The following MAGI2 variants were observed in gnomAD, a reference collection of about 807,000 sequenced individuals.
The protein encoded by MAGI2 is membrane-associated guanylate kinase, WW and PDZ domain-containing protein 2.
In MAGI2, 35 loss-of-function variants were observed where a neutral mutation model predicts 133.3. The observed-to-expected ratio is 0.26, with a 90% confidence interval of 0.20 to 0.35. The LOEUF is 0.35. Among genes scored for constraint, MAGI2 ranks in the 10% least tolerant of loss-of-function variants. The pLI, the probability that MAGI2 is intolerant of heterozygous loss-of-function variation, is 1.00. For synonymous variants in MAGI2, 729 were observed against 710.6 expected, an observed-to-expected ratio of 1.03 and a Z score of -0.41; for missense variants, 1,636 against 1,863.4, an observed-to-expected ratio of 0.88 and a Z score of 2.25.
Position 78,192,233 on chromosome 7 carries a change from C to A in MAGI2, c.2269+2641G>T, listed in dbSNP as rs189009751. 2.0e-5 allele frequency among the ~76,000 whole-genome samples: 3 copies of A among 152,164 alleles called. No individual in the cohort carries two copies. In the East Asian group the frequency reaches 5.8e-4, roughly 29 times the overall value. ...TCCCTGGTTGCACTGATTTTTCCCC[C>A]CCCAGGAAAAGACACAAGAATAAAT... On this transcript the variant is annotated intron_variant, in intron 12 of 21. Coordinates refer to ENST00000354212, the MANE Select transcript of MAGI2 (RefSeq NM_012301.4).
intron 1 of MAGI2, among the ~76,000 whole-genome samples, chr7:79,193,309 C>G (rs184570240): frequency 1.3e-5 from 2 of 152,022 alleles, no homozygotes; most frequent in Admixed American, 6.6e-5. Context: ...ATAGGGCAAC[C>G]CATAGTTTCT....
chr7:79,072,777 C>T (rs191826493), intron 1 of MAGI2, among the ~76,000 whole-genome samples: 9 of 152,258 alleles, frequency 5.9e-5, no homozygotes, highest in Admixed American at 3.3e-4. Flanking sequence ...TTTTGCATGA[C>T]ATGTAGAACA....
At chr7:78,908,763 C>T (rs1798164001) in intron 2 of MAGI2, among the ~76,000 whole-genome samples, 1 of 152,140 alleles carries the variant, frequency 6.6e-6, no homozygotes, top group Non-Finnish European at 1.5e-5. Context: ...TTAACATGTA[C>T]CTATTGAAAA....
At chr7:78,380,338 A>G (rs1444508910) in intron 6 of MAGI2, among the ~76,000 whole-genome samples, 2 of 152,180 alleles carry the variant, frequency 1.3e-5, no homozygotes, top group Admixed American at 6.6e-5. Context: ...ATTTGGAAAC[A>G]ACCTTAAGTG....
At chr7:79,245,105 CT>C (rs1425719667) in intron 1 of MAGI2, among the ~76,000 whole-genome samples, 3 of 152,198 alleles carry the variant, frequency 2.0e-5, no homozygotes, top group African/African-American at 7.2e-5. Context: ...CACTTGGTCC[CT>C]GAATAATCAG....
At chr7:79,190,473 GT>G (rs1177584205) in intron 1 of MAGI2, among the ~76,000 whole-genome samples, 4 of 151,744 alleles carry the variant, frequency 2.6e-5, no homozygotes, top group Admixed American at 2.6e-4. Flanking sequence ...TGGTTTATTT[GT>G]TTTATTATTG....
intron 1 of MAGI2, among the ~76,000 whole-genome samples, chr7:79,052,552 C>T (rs994755690): frequency 3.3e-5 from 5 of 152,210 alleles, no homozygotes; most frequent in Non-Finnish European, 5.9e-5. Flanking sequence ...GGCCTTTCCA[C>T]ACTGCATCTC....
intron 1 of MAGI2, among the ~76,000 whole-genome samples, chr7:79,146,657 C>G (rs1822657327): frequency 6.6e-6 from 1 of 152,204 alleles, no homozygotes; most frequent in African/African-American, 2.4e-5. Context: ...TGCACAAGCT[C>G]TCTTGCTTGC....
At chr7:78,099,846 A>G (rs1818044508) in intron 20 of MAGI2, among the ~76,000 whole-genome samples, 1 of 152,172 alleles carries the variant, frequency 6.6e-6, no homozygotes, top group South Asian at 2.1e-4. Context: ...ACATGTATTC[A>G]TTTCATTCCA....
intron 4 of MAGI2, among the ~76,000 whole-genome samples, chr7:78,503,677 C>T (rs1794846861): frequency 7.0e-6 from 1 of 141,936 alleles, no homozygotes. Context: ...CTCACCCTCC[C>T]CTGTCCTCTC....
chr7:78,821,697 C>T (rs1790131858), intron 2 of MAGI2, among the ~76,000 whole-genome samples: 1 of 151,872 alleles, frequency 6.6e-6, no homozygotes, highest in Admixed American at 6.6e-5. Flanking sequence ...ATTTTTATTT[C>T]ATTTCCTCTC....
intron 1 of MAGI2, among the ~76,000 whole-genome samples, chr7:79,143,540 T>C (rs1822330542): frequency 1.3e-5 from 2 of 152,174 alleles, no homozygotes; most frequent in South Asian, 2.1e-4. Context: ...CAAATAATAA[T>C]AAATACAGTG....
At chr7:78,051,816 C>T (rs887795167) in intron 21 of MAGI2, among the ~76,000 whole-genome samples, 20 of 151,088 alleles carry the variant, frequency 1.3e-4, no homozygotes, top group South Asian at 4.2e-4. Context: ...AACCCCTGGC[C>T]TCAAGTCATC....
At chr7:78,989,403 G>A (rs1364654676) in intron 2 of MAGI2, among the ~76,000 whole-genome samples, 1 of 152,012 alleles carries the variant, frequency 6.6e-6, no homozygotes, top group Non-Finnish European at 1.5e-5. Flanking sequence ...GCTGAACGAA[G>A]TTTTTGAAAC....
At chr7:78,517,895 C>A (rs1796170651) in intron 4 of MAGI2, among the ~76,000 whole-genome samples, 1 of 151,702 alleles carries the variant, frequency 6.6e-6, no homozygotes, top group Admixed American at 6.6e-5. Context: ...GCAGAACTTC[C>A]TGGAGAACTT....
At chr7:79,237,509 A>G (rs948314808) in intron 1 of MAGI2, among the ~76,000 whole-genome samples, 1 of 152,208 alleles carries the variant, frequency 6.6e-6, no homozygotes, top group African/African-American at 2.4e-5. Context: ...ATGCAAACAT[A>G]TATTAAGAAA....
intron 2 of MAGI2, among the ~76,000 whole-genome samples, chr7:78,752,419 A>G (rs1250453176): frequency 1.3e-5 from 2 of 152,138 alleles, no homozygotes; most frequent in Non-Finnish European, 2.9e-5. Context: ...CCTGACCAAC[A>G]AGGTGAAACC....
chr7:78,032,420 G>T (rs1809688234), intron 21 of MAGI2, among the ~76,000 whole-genome samples: 1 of 152,092 alleles, frequency 6.6e-6, no homozygotes, highest in African/African-American at 2.4e-5. Flanking sequence ...TCGTCATGTT[G>T]CCCAGGATGG....
At chr7:78,218,497 G>A (rs994023515) in intron 10 of MAGI2, among the ~76,000 whole-genome samples, 2 of 152,196 alleles carry the variant, frequency 1.3e-5, no homozygotes, top group Non-Finnish European at 2.9e-5. Context: ...CAAGCATATT[G>A]TTAACAATTA....
Sources: allele counts gnomAD v4.1 joint callset (sites outside exome capture counted in the v4.1 genomes callset), GRCh38; gene constraint gnomAD v4.1.1; transcripts MANE v1.5; gene names NCBI Gene and HGNC (gene_info 2026-07-23, HGNC 2026-07-21).